SH3BGRL: variants seen among roughly 807,000 people sequenced by gnomAD.
The protein encoded by SH3BGRL is adapter SH3BGRL.
A neutral mutation model predicts 9.8 loss-of-function variants in SH3BGRL; 7 were observed. That is an observed-to-expected ratio of 0.72 (90% CI 0.41 to 1.35). The LOEUF (loss-of-function observed/expected upper bound fraction) is 1.35, where lower values mean the gene tolerates loss of function less well. SH3BGRL is among the 40% of genes most tolerant of loss of function. SH3BGRL has a pLI of 0.01. For synonymous variants in SH3BGRL, 36 were observed against 29.1 expected (o/e 1.24, Z -0.76); for missense variants, 73 against 84.4 (o/e 0.86, Z 0.53).
At chrX:81,223,567 C>G (rs1233783960) in intron 1 of SH3BGRL, among the ~76,000 whole-genome samples, 1 of 110,803 alleles carries the variant, frequency 9.0e-6, no homozygotes, top group African/African-American at 3.3e-5. Flanking sequence ...TACCTCTCTT[C>G]TCTTTTTAGG....
At chrX:81,247,916 C>A (rs1263910897) in intron 1 of SH3BGRL, among the ~76,000 whole-genome samples, 3 of 106,919 alleles carry the variant, frequency 2.8e-5, no homozygotes, top group African/African-American at 1.0e-4. Context: ...GGCTGTGAAT[C>A]CATCTGGTCC....
chrX:81,270,274 T>C (rs1336208253), intron 1 of SH3BGRL, among the ~76,000 whole-genome samples: 1 of 111,014 alleles, frequency 9.0e-6, no homozygotes, highest in African/African-American at 3.3e-5. Flanking sequence ...TGGTGTGGAG[T>C]TGTGTTCCTT....
rs1389296666 is a variant in SH3BGRL, at chrX:81,298,289, AAAT to A, written c.*1064_*1066del. 9.0e-6 allele frequency: 1 copy of A among 111,686 alleles called. No homozygotes were observed. The highest frequency in any genetic ancestry group is 1.9e-5 in the Non-Finnish European group (1 of 52,858). 9.2% of individuals were successfully genotyped at this position (111,686 alleles called of 1,213,427 possible). A position where few individuals can be genotyped will look rare whatever the true frequency, so the allele number is the denominator to read the frequency against. ...TATCAAATAAAAAGGGCAACTTTTA[AAAT>A]ATTAAGCCTGAAGACTTCTAAAAAG... On this transcript the variant is annotated 3_prime_UTR_variant, in exon 4 of 4. Coordinates refer to ENST00000373212, the MANE Select transcript of SH3BGRL (RefSeq NM_003022.3).
At chrX:81,290,025 G>A (rs745547322) in intron 3 of SH3BGRL, among the ~76,000 whole-genome samples, 9 of 112,086 alleles carry the variant, frequency 8.0e-5, no homozygotes, top group African/African-American at 2.9e-4. Context: ...ACTACAATGA[G>A]ATATAATCTC....
chrX:81,280,180 C>G (rs753165993), intron 3 of SH3BGRL, among the ~76,000 whole-genome samples: 10 of 110,264 alleles, frequency 9.1e-5, no homozygotes, highest in Non-Finnish European at 1.3e-4. Flanking sequence ...AAGACCCACC[C>G]GAGGAGAGTC....
intron 3 of SH3BGRL, among the ~76,000 whole-genome samples, chrX:81,283,031 A>G (rs1318239019): frequency 8.9e-6 from 1 of 112,018 alleles, no homozygotes; most frequent in African/African-American, 3.2e-5. Context: ...TTCAAGGCTA[A>G]TATGAACACC....
rs772524991 is a variant in SH3BGRL at position 81,233,368 on chromosome X, C to A, written c.45+31123C>A. Among the ~76,000 whole-genome samples, 19 of 111,596 alleles carry A rather than the reference C, an allele frequency of 1.7e-4. No individual in the cohort carries two copies. In the East Asian group the frequency reaches 5.0e-3, roughly 30 times the overall value. On this transcript the variant is annotated intron_variant, in intron 1 of 3. Transcript: ENST00000373212. ...GTTTCTCCCTCCATATTCTTCATCC[C>A]GACAGAGATCTCTGGACCACAGATT...
At chrX:81,256,594 A>G (rs147629989) in intron 1 of SH3BGRL, among the ~76,000 whole-genome samples, 264 of 112,060 alleles carry the variant, frequency 2.4e-3, no homozygotes, top group Middle Eastern at 4.6e-3. Context: ...TACTGGGCAT[A>G]CAAAGTAGCC....
intron 1 of SH3BGRL, among the ~76,000 whole-genome samples, chrX:81,238,825 AGG>A (rs35244564): frequency 2.0e-4 from 22 of 108,138 alleles, no homozygotes; most frequent in African/African-American, 7.4e-4. Context: ...AGAGAGAGAG[AGG>A]GAGAGAGAGA....
In SH3BGRL at chrX:81,226,530, C is replaced by A. The variant is rs747587549; in HGVS notation, c.45+24285C>A. ...TATCTATATATATATATCTATATCT[C>A]TCTCTCTATATATATATATATAATT... On this transcript the variant is annotated intron_variant, in intron 1 of 3. Transcript: ENST00000373212. Among the ~76,000 whole-genome samples the A allele has an allele frequency of 9.0e-3, 910 of 101,577 alleles. 11 individuals carry two copies. The highest frequency in any genetic ancestry group is 0.031 in the African/African-American group (862 of 28,076). The allele number at this position is 101,577 out of a possible 115,157, so 88.2% of individuals were successfully genotyped here. A position where few individuals can be genotyped will look rare whatever the true frequency, so the allele number is the denominator to read the frequency against.
At chrX:81,279,962 A>G (rs1049793078) in intron 3 of SH3BGRL, among the ~76,000 whole-genome samples, 1 of 111,255 alleles carries the variant, frequency 9.0e-6, no homozygotes, top group African/African-American at 3.3e-5. Context: ...CTTGCCCTCC[A>G]CCTGGAAACA....
intron 1 of SH3BGRL, chrX:81,202,687 G>A (rs2075533039): frequency 2.8e-6 from 1 of 359,352 alleles, no homozygotes; most frequent in Admixed American, 9.2e-5. Context: ...TGGGGATTGA[G>A]TGGAGGCCTA....
intron 1 of SH3BGRL, among the ~76,000 whole-genome samples, chrX:81,269,296 A>C (rs373898489): frequency 9.0e-6 from 1 of 111,445 alleles, no homozygotes; most frequent in Non-Finnish European, 1.9e-5. Context: ...TAATTGATGC[A>C]GTTTCTTCAT....
At chrX:81,229,348 C>T (rs768387751) in intron 1 of SH3BGRL, among the ~76,000 whole-genome samples, 2 of 111,296 alleles carry the variant, frequency 1.8e-5, no homozygotes, top group South Asian at 7.7e-4. Context: ...TTCAGTTTAG[C>T]CATCTGTAGG....
intron 1 of SH3BGRL, among the ~76,000 whole-genome samples, chrX:81,260,622 A>G (rs1201531371): frequency 9.0e-6 from 1 of 111,003 alleles, no homozygotes; most frequent in Non-Finnish European, 1.9e-5. Flanking sequence ...ATACCCACTT[A>G]CTTGTAGCAG....
intron 1 of SH3BGRL, among the ~76,000 whole-genome samples, chrX:81,272,194 C>CAA (rs2075782571): frequency 2.1e-3 from 30 of 14,181 alleles, no homozygotes; most frequent in African/African-American, 6.9e-3. Flanking sequence ...GAGACTGCGT[C>CAA]CAAAAAAAAA....
intron 1 of SH3BGRL, among the ~76,000 whole-genome samples, chrX:81,273,979 C>T (rs780416163): frequency 3.6e-5 from 4 of 111,576 alleles, no homozygotes; most frequent in South Asian, 7.5e-4. Flanking sequence ...GGAATTCTTT[C>T]GGTAGAGGTG....
rs57937750 is a variant in SH3BGRL, at chrX:81,286,018, AT to A, written c.312+7608del. On this transcript the variant is annotated intron_variant, in intron 3 of 3. Coordinates refer to ENST00000373212, the MANE Select transcript of SH3BGRL (RefSeq NM_003022.3). ...AAAGTACTCTGTGTCAAATATTTCC[AT>A]AAGGCAAAGAATCCTTCTGTGTAAG... Among the ~76,000 whole-genome samples the A allele has an allele frequency of 8.5e-3, 948 of 112,035 alleles. 7 individuals carry two copies. Among genetic ancestry groups the A allele is most frequent in the African/African-American group, 0.029 (903 of 30,944 alleles).
At chrX:81,259,317 G>A (rs1317525671) in intron 1 of SH3BGRL, among the ~76,000 whole-genome samples, 1 of 112,061 alleles carries the variant, frequency 8.9e-6, no homozygotes, top group South Asian at 3.7e-4. Context: ...CATAGAGAAG[G>A]TGGTGAGTTG....
Sources: allele counts gnomAD v4.1 joint callset (sites outside exome capture counted in the v4.1 genomes callset), GRCh38; gene constraint gnomAD v4.1.1; transcripts MANE v1.5; gene names NCBI Gene and HGNC (gene_info 2026-07-23, HGNC 2026-07-21).